The following SLC10A7 variants were observed in gnomAD, a reference collection of about 807,000 sequenced individuals.
The protein encoded by SLC10A7 is sodium/bile acid cotransporter 7.
Under a neutral mutation model 43.2 loss-of-function variants are expected in SLC10A7, and 29 were observed. The ratio of observed to expected loss-of-function variants is 0.67; its 90% confidence interval spans 0.50 to 0.92. The LOEUF is 0.92. Ranked by LOEUF, SLC10A7 falls within the 40% of genes least tolerant of loss-of-function variation. The probability of loss-of-function intolerance (pLI) is 0.00; values close to 1 mark genes in which losing one functional copy is unlikely to be tolerated. For synonymous variants in SLC10A7, 152 were observed against 144.8 expected (o/e 1.05, Z -0.35); for missense variants, 295 against 403.2 (o/e 0.73, Z 2.30).
rs533034687 is a variant in SLC10A7 at position 146,374,613 on chromosome 4, TAC to T, written c.436-48619_436-48618del. 2.2e-3 allele frequency among the ~76,000 whole-genome samples: 260 copies of T among 119,436 alleles called. 1 individual carries two copies. Among genetic ancestry groups the T allele is most frequent in the African/African-American group, 6.5e-3 (193 of 29,730 alleles). The allele number at this position is 119,436 out of a possible 152,430, so 78.4% of individuals were successfully genotyped here. A position where few individuals can be genotyped will look rare whatever the true frequency, so the allele number is the denominator to read the frequency against. On this transcript the variant is annotated intron_variant, in intron 5 of 11. Transcript: ENST00000335472. The stretch of plus-strand genomic sequence containing the variant: ...AAAAAAATATATACATATATATATA[TAC>T]ACATACACACACACACACACACACA...
At chr4:146,309,026 G>C (rs1731777472) in intron 6 of SLC10A7, among the ~76,000 whole-genome samples, 1 of 152,138 alleles carries the variant, frequency 6.6e-6, no homozygotes, top group Admixed American at 6.5e-5. Context: ...CTTTTTAAAA[G>C]CTGAGGTCGG....
At chr4:146,455,429 AC>A (rs956518647) in intron 4 of SLC10A7, among the ~76,000 whole-genome samples, 6 of 151,768 alleles carry the variant, frequency 4.0e-5, no homozygotes, top group African/African-American at 1.5e-4. Context: ...CATCCACAAA[AC>A]CTAAGTGACA....
chr4:146,348,878 C>T (rs2149739040), intron 5 of SLC10A7, among the ~76,000 whole-genome samples: 1 of 152,070 alleles, frequency 6.6e-6, no homozygotes, highest in African/African-American at 2.4e-5. Context: ...AGGTTAGATC[C>T]CGTGCCATAT....
chr4:146,516,482 A>ATGTG (rs1347713196), intron 2 of SLC10A7, among the ~76,000 whole-genome samples: 3 of 148,346 alleles, frequency 2.0e-5, no homozygotes, highest in South Asian at 2.2e-4. Flanking sequence ...ATATGTGTAT[A>ATGTG]TATATACACA....
chr4:146,434,544 C>A (rs1294790857), intron 5 of SLC10A7, among the ~76,000 whole-genome samples: 2 of 152,040 alleles, frequency 1.3e-5, no homozygotes, highest in Non-Finnish European at 2.9e-5. Flanking sequence ...TAACCTACTG[C>A]ATTACGTGAA....
intron 8 of SLC10A7, among the ~76,000 whole-genome samples, chr4:146,293,315 TAC>T (rs1177779235): frequency 6.6e-6 from 1 of 152,196 alleles, no homozygotes; most frequent in Non-Finnish European, 1.5e-5. Context: ...GCATACAATA[TAC>T]TTTAGAATAA....
At chr4:146,378,981 C>T (rs1276684530) in intron 5 of SLC10A7, among the ~76,000 whole-genome samples, 1 of 152,016 alleles carries the variant, frequency 6.6e-6, no homozygotes, top group Admixed American at 6.6e-5. Flanking sequence ...CCTTTCCAGG[C>T]CCACAAACAG....
Position 146,441,630 on chromosome 4 carries a change from A to AATGACTTAGT in SLC10A7, c.435+1152_435+1153insACTAAGTCAT, listed in dbSNP as rs1201478706. ...GACTCATGAAATAATGACTTAAAAT[A>AATGACTTAGT]TTACTGAGTCTAAACTAAGCAATCC... On this transcript the variant is annotated intron_variant, in intron 5 of 11. Transcript: ENST00000335472. 6 of 886,970 alleles carry AATGACTTAGT rather than the reference A, an allele frequency of 6.8e-6. No homozygotes were observed. The Admixed American group carries it at 3.7e-4, about 55-fold the overall frequency. 54.9% of individuals were successfully genotyped at this position (886,970 alleles called of 1,614,324 possible). A position where few individuals can be genotyped will look rare whatever the true frequency, so the allele number is the denominator to read the frequency against.
chr4:146,473,774 A>G (rs544129471), intron 4 of SLC10A7, among the ~76,000 whole-genome samples: 1 of 152,266 alleles, frequency 6.6e-6, no homozygotes, highest in Non-Finnish European at 1.5e-5. Flanking sequence ...TAATAAAAAA[A>G]TGGATCCTGC....
At chr4:146,380,572 T>C (rs1245152833) in intron 5 of SLC10A7, among the ~76,000 whole-genome samples, 1 of 152,176 alleles carries the variant, frequency 6.6e-6, no homozygotes, top group East Asian at 1.9e-4. Flanking sequence ...AAACTACTTT[T>C]TGATGACCTA....
chr4:146,255,834 A>G lies in SLC10A7; in HGVS notation c.*657T>C, dbSNP rs530992037. ...CAAAATTTCACATGATTTCACTCAT[A>G]ATTCAAACATTCAGACCCTTTCTTT... is the stretch of plus-strand genomic sequence containing the variant. On this transcript the variant is annotated 3_prime_UTR_variant, in exon 12 of 12. Coordinates refer to ENST00000335472, the MANE Select transcript of SLC10A7 (RefSeq NM_001029998.6). The G allele has an allele frequency of 3.9e-5, 6 of 152,352 alleles. No individual in the cohort carries two copies. The East Asian group carries it at 9.6e-4, about 24-fold the overall frequency. The allele number at this position is 152,352 out of a possible 1,614,324, so 9.4% of individuals were successfully genotyped here.
At chr4:146,394,066 AG>A (rs1183995968) in intron 5 of SLC10A7, among the ~76,000 whole-genome samples, 2 of 152,216 alleles carry the variant, frequency 1.3e-5, no homozygotes, top group African/African-American at 4.8e-5. Context: ...AAACAGAGTC[AG>A]TATTATTCTG....
chr4:146,367,449 A>G (rs1736476520), intron 5 of SLC10A7, among the ~76,000 whole-genome samples: 1 of 152,158 alleles, frequency 6.6e-6, no homozygotes, highest in Non-Finnish European at 1.5e-5. Context: ...AATTAATTTA[A>G]ATTTAAATTT....
At chr4:146,474,206 A>G (rs1733846541) in intron 4 of SLC10A7, among the ~76,000 whole-genome samples, 1 of 152,124 alleles carries the variant, frequency 6.6e-6, no homozygotes, top group East Asian at 1.9e-4. Context: ...TAAACAATAC[A>G]CAACAATATA....
At chr4:146,379,093 G>A (rs1429126517) in intron 5 of SLC10A7, among the ~76,000 whole-genome samples, 1 of 152,206 alleles carries the variant, frequency 6.6e-6, no homozygotes, top group East Asian at 1.9e-4. Context: ...CCTGTGGAGA[G>A]TGTCTGAACT....
In SLC10A7 at chr4:146,481,488, TC is replaced by T. The variant is rs1734471124; in HGVS notation, c.396+22360del. On this transcript the variant is annotated intron_variant, in intron 4 of 11. Coordinates refer to ENST00000335472, the MANE Select transcript of SLC10A7 (RefSeq NM_001029998.6). ...CATTTCGGGGTCCAGAGTCACCTCA[TC>T]CCCCAGAGCCTGAGTTACCACTGTG... 2.6e-5 allele frequency among the ~76,000 whole-genome samples: 4 copies of T among 152,086 alleles called. No individual in the cohort carries two copies. The South Asian group carries it at 8.3e-4, about 32-fold the overall frequency.
intron 4 of SLC10A7, among the ~76,000 whole-genome samples, chr4:146,455,601 A>G (rs1189213286): frequency 6.6e-6 from 1 of 151,932 alleles, no homozygotes; most frequent in African/African-American, 2.4e-5. Flanking sequence ...TCAGCTTTTC[A>G]TTAGCAATAA....
rs4496597 is a variant in SLC10A7 at position 146,518,584 on chromosome 4, A to G, written c.101-1464T>C. On this transcript the variant is annotated intron_variant, in intron 1 of 11. Transcript: ENST00000335472. ...ACTCCCAAAATTCATGCCCACCCAG[A>G]ACCTGTGAATGTCACATTTTTGGAA... 3.8e-4 allele frequency among the ~76,000 whole-genome samples: 58 copies of G among 152,262 alleles called. No homozygotes were observed. The East Asian group carries it at 8.7e-3, about 23-fold the overall frequency.
At chr4:146,341,671 G>GAT (rs1247478518) in intron 5 of SLC10A7, among the ~76,000 whole-genome samples, 1 of 151,712 alleles carries the variant, frequency 6.6e-6, no homozygotes, top group African/African-American at 2.4e-5. Flanking sequence ...AGAAGTCAAG[G>GAT]ATACAGTGTG....
Sources: gnomAD v4.1 joint callset for allele counts (sites outside exome capture counted in the v4.1 genomes callset) on GRCh38, gnomAD v4.1.1 for gene constraint, MANE v1.5 for transcripts, NCBI Gene and HGNC (gene_info 2026-07-23, HGNC 2026-07-21) for gene names.